MORC1: variants seen among roughly 807,000 people sequenced by gnomAD.
MORC1 encodes the protein MORC family CW-type zinc finger 1, also known as MORC family CW-type zinc finger protein 1.
Under a neutral mutation model 134.9 loss-of-function variants are expected in MORC1, and 59 were observed. That is an observed-to-expected ratio of 0.44 (90% CI 0.35 to 0.54). The LOEUF (loss-of-function observed/expected upper bound fraction) is 0.54, where lower values mean the gene tolerates loss of function less well. Among genes scored for constraint, MORC1 ranks in the 20% least tolerant of loss-of-function variants. The probability of loss-of-function intolerance (pLI) is 0.00; values close to 1 mark genes in which losing one functional copy is unlikely to be tolerated. For synonymous variants in MORC1, 395 were observed against 391.7 expected (o/e 1.01, Z -0.10); for missense variants, 947 against 1,134.5 (o/e 0.83, Z 2.37).
At chr3:109,106,839 G>A (rs1039412733) in intron 3 of MORC1, among the ~76,000 whole-genome samples, 1 of 152,180 alleles carries the variant, frequency 6.6e-6, no homozygotes, top group Non-Finnish European at 1.5e-5. Context: ...GGTGCAGCCA[G>A]TCTTCCATCA....
At chr3:109,015,222 A>G (rs1948789928) in intron 17 of MORC1, among the ~76,000 whole-genome samples, 1 of 152,144 alleles carries the variant, frequency 6.6e-6, no homozygotes, top group Non-Finnish European at 1.5e-5. Flanking sequence ...AAGCAAGAAC[A>G]GACATAGCAA....
chr3:109,042,016 T>C (rs1949565896), intron 14 of MORC1, among the ~76,000 whole-genome samples: 1 of 151,972 alleles, frequency 6.6e-6, no homozygotes, highest in Non-Finnish European at 1.5e-5. Flanking sequence ...ATTATACACC[T>C]TATGGAAACC....
At position 109,004,849 on chromosome 3, in the gene MORC1, G is replaced by C. The variant is rs752476826; in HGVS notation, c.2053C>G (p.Gln685Glu). The C allele has an allele frequency of 6.2e-7, 1 of 1,613,848 alleles. No homozygotes were observed. The highest frequency in any genetic ancestry group is 1.6e-4 in the Middle Eastern group (1 of 6,062). The change falls in exon 20 of 28, where the codon CAA becomes GAA. Residue 685 changes from glutamine to glutamate, a missense_variant. Gln to Glu is a conservative substitution (Grantham distance 29). Transcript: ENST00000232603. ...IANITTVWRA[Q>E]PTEGCLKNAQ... ...TTCTTCAGGCACCCTTCAGTTGGTT[G>C]AGCTCTCCAGACAGTGGTAATATTA...
intron 17 of MORC1, among the ~76,000 whole-genome samples, chr3:109,022,332 A>G (rs1948977829): frequency 1.3e-5 from 2 of 152,258 alleles, no homozygotes; most frequent in African/African-American, 4.8e-5. Flanking sequence ...CATTCTTCAT[A>G]CAAAGCTGTA....
Position 109,043,186 on chromosome 3 carries a change from TGTGGG to T in MORC1, c.1331-7723_1331-7719del, listed in dbSNP as rs1456013334. ...AATGGATAAGCAAAATGTGGCAAAA[TGTGGG>T]GGGGGGGGGGTGTGTATAACAGAAT... On this transcript the variant is annotated intron_variant, in intron 14 of 27. Coordinates refer to ENST00000232603, the MANE Select transcript of MORC1 (RefSeq NM_014429.4). 3.1e-3 allele frequency among the ~76,000 whole-genome samples: 44 copies of T among 13,970 alleles called. 1 individual carries two copies. Among genetic ancestry groups the T allele is most frequent in the African/African-American group, 0.012 (42 of 3,396 alleles). 9.2% of individuals were successfully genotyped at this position (13,970 alleles called of 152,430 possible). A position where few individuals can be genotyped will look rare whatever the true frequency, so the allele number is the denominator to read the frequency against.
intron 5 of MORC1, among the ~76,000 whole-genome samples, chr3:109,099,774 A>G (rs1045701164): frequency 1.3e-5 from 2 of 152,214 alleles, no homozygotes; most frequent in African/African-American, 4.8e-5. Context: ...CTTTCAATGC[A>G]GCATACTAAA....
chr3:109,084,535 C>T (rs1282956515), intron 8 of MORC1, among the ~76,000 whole-genome samples: 3 of 152,162 alleles, frequency 2.0e-5, no homozygotes, highest in South Asian at 2.1e-4. Flanking sequence ...ATATTCCTCA[C>T]TCATGAATTG....
At chr3:108,990,074 G>T (rs557742177) in intron 21 of MORC1, among the ~76,000 whole-genome samples, 2 of 152,248 alleles carry the variant, frequency 1.3e-5, no homozygotes, top group Non-Finnish European at 2.9e-5. Flanking sequence ...CTGCTGCCAT[G>T]TAAGACATGC....
At chr3:109,041,094 A>G (rs572320844) in intron 14 of MORC1, among the ~76,000 whole-genome samples, 82 of 150,512 alleles carry the variant, frequency 5.4e-4, no homozygotes, top group Middle Eastern at 7.1e-3. Context: ...GGTGGATCAC[A>G]AGGTCCAGAG....
In MORC1 at chr3:109,086,056, TAG is replaced by T. The variant is rs572269449; in HGVS notation, c.689+7378_689+7379del. 9.9e-5 allele frequency among the ~76,000 whole-genome samples: 15 copies of T among 152,078 alleles called. No homozygotes were observed. The East Asian group carries it at 2.5e-3, about 26-fold the overall frequency. On this transcript the variant is annotated intron_variant, in intron 8 of 27. Coordinates refer to ENST00000232603, the MANE Select transcript of MORC1 (RefSeq NM_014429.4). ...GCTTAAAAAGTGAATCTCATTAAGATAGAGAGTAGAATGGTAGTTACCAGAGG... is the reference window on the plus strand; with the variant it reads ...GCTTAAAAAGTGAATCTCATTAAGATAGAGTAGAATGGTAGTTACCAGAGG...
At chr3:109,089,064 A>G (rs7652862) in intron 8 of MORC1, among the ~76,000 whole-genome samples, 133,875 of 152,024 alleles carry the variant, frequency 0.88, 59,041 homozygotes, top group East Asian at 0.93. Flanking sequence ...GGTCTTGAGC[A>G]TGGAGGGTGG....
At chr3:108,988,398 C>T (rs1008910536) in intron 21 of MORC1, among the ~76,000 whole-genome samples, 3 of 152,046 alleles carry the variant, frequency 2.0e-5, no homozygotes, top group Non-Finnish European at 1.5e-5. Flanking sequence ...AATAAACATG[C>T]ATATTTTTAA....
At chr3:108,998,957 A>G (rs961344935) in intron 21 of MORC1, among the ~76,000 whole-genome samples, 18 of 152,352 alleles carry the variant, frequency 1.2e-4, no homozygotes, top group African/African-American at 3.8e-4. Context: ...GCTGTGTGCA[A>G]AGCTGAGAGA....
rs761701886 is a variant in MORC1, at chr3:109,041,401, A to G, written c.1331-5933T>C. ...GAATAATGAAAACTAAGTCTAATGA[A>G]CAACAACAAAAAAATATTGAATAAA... On this transcript the variant is annotated intron_variant, in intron 14 of 27. Coordinates refer to ENST00000232603, the MANE Select transcript of MORC1 (RefSeq NM_014429.4). Among the ~76,000 whole-genome samples the G allele has an allele frequency of 6.4e-4, 98 of 152,038 alleles. 1 individual carries two copies. The highest frequency in any genetic ancestry group is 2.5e-3 in the Admixed American group (38 of 15,248).
chr3:109,110,875 A>C, intron 2 of MORC1, 92 bp from the exon 3 acceptor site: 1 of 904,758 alleles, frequency 1.1e-6, no homozygotes, highest in Non-Finnish European at 1.6e-6. Context: ...CAATACAAAA[A>C]TCCACTTAAA....
At chr3:109,110,025 G>A (rs1951127625) in intron 3 of MORC1, 1 of 152,186 alleles carries the variant, frequency 6.6e-6, no homozygotes, top group Non-Finnish European at 1.5e-5. Context: ...TGTTTCCTCA[G>A]TTATCTCAAG....
At chr3:109,030,882 G>A (rs184907767) in intron 16 of MORC1, among the ~76,000 whole-genome samples, 123 of 152,244 alleles carry the variant, frequency 8.1e-4, no homozygotes, top group Admixed American at 1.2e-3. Flanking sequence ...TTGAAGTGAT[G>A]AATACCTCTA....
At chr3:109,090,994 C>T (rs1950709363) in intron 8 of MORC1, among the ~76,000 whole-genome samples, 3 of 152,050 alleles carry the variant, frequency 2.0e-5, no homozygotes, top group Admixed American at 2.0e-4. Flanking sequence ...AAAGACCCAC[C>T]TTGGACCAGA....
At chr3:109,055,176 C>G (rs1415952271) in intron 13 of MORC1, among the ~76,000 whole-genome samples, 1 of 152,114 alleles carries the variant, frequency 6.6e-6, no homozygotes, top group African/African-American at 2.4e-5. Context: ...GAAGGCAAGG[C>G]CTTTTGACAT....
Sources: gnomAD v4.1 joint callset for allele counts (sites outside exome capture counted in the v4.1 genomes callset) on GRCh38, gnomAD v4.1.1 for gene constraint, MANE v1.5 for transcripts, NCBI Gene and HGNC (gene_info 2026-07-23, HGNC 2026-07-21) for gene names.